The following FGF12 variants were observed in gnomAD, a reference collection of about 807,000 sequenced individuals.
FGF12 encodes fibroblast growth factor 12.
FGF12 carries 14 observed loss-of-function variants against 23.6 expected under a neutral mutation model. That is an observed-to-expected ratio of 0.59 (90% CI 0.39 to 0.93). The LOEUF (loss-of-function observed/expected upper bound fraction) is 0.93. Ranked by LOEUF, FGF12 falls within the 40% of genes least tolerant of loss-of-function variation. The probability of loss-of-function intolerance (pLI) is 0.00; values close to 1 mark genes in which losing one functional copy is unlikely to be tolerated. For synonymous variants in FGF12, 62 were observed against 77.3 expected, an observed-to-expected ratio of 0.80 and a Z score of 1.04; for missense variants, 175 against 217.8, an observed-to-expected ratio of 0.80 and a Z score of 1.24.
intron 2 of FGF12, among the ~76,000 whole-genome samples, chr3:192,553,032 T>C (rs991346492): frequency 2.5e-4 from 38 of 152,192 alleles, no homozygotes; most frequent in African/African-American, 8.7e-4. Context: ...ACTTCAAAAA[T>C]GAGGATAAAA....
intron 5 of FGF12, among the ~76,000 whole-genome samples, chr3:192,167,772 A>ATATATATATATTTTTT (rs1715302128): frequency 1.9e-4 from 3 of 15,396 alleles, no homozygotes; most frequent in African/African-American, 4.5e-4. Flanking sequence ...TATATATAAA[A>ATATATATATATTTTTT]TTTTTTTTTT....
intron 2 of FGF12, among the ~76,000 whole-genome samples, chr3:192,582,727 A>G (rs1713207544): frequency 6.6e-6 from 1 of 152,150 alleles, no homozygotes; most frequent in Admixed American, 6.5e-5. Flanking sequence ...CATTATGAAC[A>G]TAGATATAAA....
intron 2 of FGF12, among the ~76,000 whole-genome samples, chr3:192,475,896 T>C (rs1474104117): frequency 2.0e-5 from 3 of 151,988 alleles, no homozygotes; most frequent in East Asian, 1.9e-4. Flanking sequence ...AGATAGATAA[T>C]AGATAGATGG....
At chr3:192,449,394 C>T (rs1351199164) in intron 2 of FGF12, among the ~76,000 whole-genome samples, 5 of 152,130 alleles carry the variant, frequency 3.3e-5, no homozygotes, top group East Asian at 1.9e-4. Flanking sequence ...GGTAAGCTTG[C>T]GTCCCCAGTT....
chr3:192,409,153 C>T lies in FGF12; in HGVS notation c.14-48615G>A. On this transcript the variant is annotated intron_variant, in intron 2 of 5. Transcript: ENST00000445105. The surrounding 1 kb of genome is among the most constrained non-coding windows in gnomAD (Gnocchi z 4.8). ...GGAGAAACCAGCGAGAGGCGATCTG[C>T]GGGGTCCCAAGAGTGGGCGCTCTTT... The T allele has an allele frequency of 4.8e-6, 1 of 207,614 alleles. No homozygotes were observed. The highest frequency in any genetic ancestry group is 8.4e-6 in the Non-Finnish European group (1 of 118,496). 12.9% of individuals were successfully genotyped at this position (207,614 alleles called of 1,614,324 possible). A position where few individuals can be genotyped will look rare whatever the true frequency, so the allele number is the denominator to read the frequency against.
In FGF12 at chr3:192,664,477, G is replaced by A. The variant is rs537805808; in HGVS notation, c.13+62704C>T. ...TTAAAAGTCACCAAAGGCGGGGCAC[G>A]GTGGCTCACGCCTGTAATCCCAGCA... is the stretch of plus-strand genomic sequence containing the variant. On this transcript the variant is annotated intron_variant, in intron 2 of 5. Coordinates refer to ENST00000445105, the MANE Select transcript of FGF12 (RefSeq NM_004113.6). Among the ~76,000 whole-genome samples, 383 of 151,928 alleles carry A rather than the reference G, an allele frequency of 2.5e-3. 1 individual carries two copies. The highest frequency in any genetic ancestry group is 7.9e-3 in the South Asian group (38 of 4,806).
chr3:192,601,961 A>T (rs34681191), intron 2 of FGF12, among the ~76,000 whole-genome samples: 2 of 152,062 alleles, frequency 1.3e-5, no homozygotes, highest in African/African-American at 4.8e-5. Context: ...GAATCCACAG[A>T]TGTAGCACCC....
intron 4 of FGF12, among the ~76,000 whole-genome samples, chr3:192,289,282 A>G (rs563274177): frequency 1.3e-5 from 2 of 152,282 alleles, no homozygotes; most frequent in East Asian, 3.9e-4. Flanking sequence ...GGTCTCATGG[A>G]ACTTACATTC....
chr3:192,400,126 A>G (rs1480109990), intron 2 of FGF12, among the ~76,000 whole-genome samples: 2 of 152,242 alleles, frequency 1.3e-5, no homozygotes, highest in East Asian at 1.9e-4. Context: ...AGGCATTAAC[A>G]TAAGTGTGGT....
At chr3:192,232,704 C>T (rs923768393) in intron 4 of FGF12, among the ~76,000 whole-genome samples, 1 of 151,954 alleles carries the variant, frequency 6.6e-6, no homozygotes, top group African/African-American at 2.4e-5. Flanking sequence ...CCTCCTCCTA[C>T]CCTCCACCTT....
intron 4 of FGF12, among the ~76,000 whole-genome samples, chr3:192,208,862 T>C (rs898080819): frequency 1.3e-5 from 2 of 152,192 alleles, no homozygotes; most frequent in South Asian, 2.1e-4. Context: ...CTACTGTCTA[T>C]AAGTGTCTCA....
At chr3:192,673,692 T>C (rs962752322) in intron 2 of FGF12, among the ~76,000 whole-genome samples, 3 of 151,172 alleles carry the variant, frequency 2.0e-5, no homozygotes, top group African/African-American at 4.8e-5. Context: ...TCCAACTTCA[T>C]CCATGCCCCT....
chr3:192,671,885 TA>T (rs1195025043), intron 2 of FGF12, among the ~76,000 whole-genome samples: 1 of 152,184 alleles, frequency 6.6e-6, no homozygotes, highest in African/African-American at 2.4e-5. Context: ...ATTATGTGAT[TA>T]CAAGTTTAGT....
chr3:192,531,998 A>C (rs1363853514), intron 2 of FGF12, among the ~76,000 whole-genome samples: 1 of 152,176 alleles, frequency 6.6e-6, no homozygotes, highest in African/African-American at 2.4e-5. Flanking sequence ...ACATTTATTT[A>C]ATAGGGTGTC....
intron 2 of FGF12, among the ~76,000 whole-genome samples, chr3:192,559,009 C>A (rs1711903898): frequency 1.3e-5 from 2 of 151,854 alleles, no homozygotes; most frequent in African/African-American, 4.8e-5. Context: ...TATAATAAAT[C>A]ATTAGGGAAC....
rs1418192478 is a variant in FGF12 at position 192,360,415 on chromosome 3, T to C, written c.124+13A>G. The C allele has an allele frequency of 6.6e-7, 1 of 1,522,974 alleles. No homozygotes were observed. Among genetic ancestry groups the C allele is most frequent in the Non-Finnish European group, 9.1e-7 (1 of 1,097,066 alleles). 94.3% of individuals were successfully genotyped at this position (1,522,974 alleles called of 1,614,324 possible). On this transcript the variant is annotated intron_variant, in intron 3 of 5. Coordinates refer to ENST00000445105, the MANE Select transcript of FGF12 (RefSeq NM_004113.6). This position sits in a 1 kb window ranked among gnomAD's most constrained non-coding sequence, Gnocchi z 4.3. ...GATTTGTAATCAGATTGTAAGAAGC[T>C]AATGTTTCTTACTGTAGTCGCTGTT...
At chr3:192,707,626 A>G (rs1419299409) in intron 2 of FGF12, among the ~76,000 whole-genome samples, 1 of 151,376 alleles carries the variant, frequency 6.6e-6, no homozygotes, top group Non-Finnish European at 1.5e-5. Context: ...GGTGCCTGTA[A>G]TCCCAGCTAC....
intron 4 of FGF12, among the ~76,000 whole-genome samples, chr3:192,189,421 C>A (rs979141816): frequency 9.2e-5 from 14 of 152,166 alleles, no homozygotes; most frequent in Admixed American, 3.9e-4. Flanking sequence ...AGTTGACGCA[C>A]CTCTCTCCTC....
intron 2 of FGF12, among the ~76,000 whole-genome samples, chr3:192,362,428 C>T (rs1318909673): frequency 6.6e-6 from 1 of 151,974 alleles, no homozygotes; most frequent in African/African-American, 2.4e-5. Flanking sequence ...TGATGTTCTC[C>T]GCCCTGTGTC....
Sources: allele counts gnomAD v4.1 joint callset (sites outside exome capture counted in the v4.1 genomes callset), GRCh38; gene constraint gnomAD v4.1.1; non-coding constraint Gnocchi (gnomAD v3.1); transcripts MANE v1.5; gene names NCBI Gene and HGNC (gene_info 2026-07-23, HGNC 2026-07-21).